PIK3CD: variants seen among roughly 807,000 people sequenced by gnomAD.
PIK3CD encodes phosphatidylinositol-4,5-bisphosphate 3-kinase catalytic subunit delta.
A neutral mutation model predicts 122.9 loss-of-function variants in PIK3CD; 20 were observed. The ratio of observed to expected loss-of-function variants is 0.16; its 90% confidence interval spans 0.11 to 0.24. The LOEUF is 0.24. Among genes scored for constraint, PIK3CD ranks in the 10% least tolerant of loss-of-function variants. The probability of loss-of-function intolerance (pLI) is 1.00; values close to 1 mark genes in which losing one functional copy is unlikely to be tolerated. For missense variants in PIK3CD, 787 were observed against 1,406.3 expected (o/e 0.56, Z 7.04); for synonymous variants, 596 against 593.4 (o/e 1.00, Z -0.06).
chr1:9,716,115 C>T (rs758269919), intron 5 of PIK3CD, 37 bp downstream of exon 5: 6 of 1,529,714 alleles, frequency 3.9e-6, no homozygotes, highest in South Asian at 1.1e-5. Flanking sequence ...CCAGGCTGCT[C>T]TGTCCATGGG....
In PIK3CD at chr1:9,710,632, CAGAG is replaced by C. The variant is rs34885574; in HGVS notation, c.141+56_141+59del. On this transcript the variant is annotated intron_variant, in intron 3 of 23. Coordinates refer to ENST00000377346, the MANE Select transcript of PIK3CD (RefSeq NM_005026.5). The surrounding 1 kb of genome is among the most constrained non-coding windows in gnomAD (Gnocchi z 4.7). ...CATCCGGTCCTCAGACCTTGGTGCT[CAGAG>C]AGAGAGAGAGAGAGAGAGACACAGA... 2.5e-3 allele frequency: 3,698 copies of C among 1,503,722 alleles called. No homozygotes were observed. Among genetic ancestry groups the C allele is most frequent in the Non-Finnish European group, 2.9e-3 (3,189 of 1,088,982 alleles). 93.1% of individuals were successfully genotyped at this position (1,503,722 alleles called of 1,614,324 possible). A position where few individuals can be genotyped will look rare whatever the true frequency, so the allele number is the denominator to read the frequency against.
At chr1:9,711,169 C>T (rs1647038865) in intron 3 of PIK3CD, among the ~76,000 whole-genome samples, 1 of 152,114 alleles carries the variant, frequency 6.6e-6, no homozygotes, top group Non-Finnish European at 1.5e-5. Context: ...TCTCAGGTGA[C>T]TACAACCTCT....
the PIK3CD span, among the ~76,000 whole-genome samples, chr1:9,643,440 G>GGGGAAGGAAGGAAGGGAGGGAGGGA: frequency 6.9e-5 from 9 of 129,820 alleles, no homozygotes; most frequent in East Asian, 2.1e-3. Flanking sequence ...GAGAGAGAGA[G>GGGGAAGGAAGGAAGGGAGGGAGGGA]GGGAAGGAAG....
At chr1:9,632,198 G>T in the PIK3CD span, among the ~76,000 whole-genome samples, 1 of 152,024 alleles carries the variant, frequency 6.6e-6, no homozygotes, top group East Asian at 1.9e-4. Flanking sequence ...TTTTAGTAGA[G>T]ATGGGGTTTC....
chr1:9,724,528 A>C lies in PIK3CD; in HGVS notation c.2864+107A>C. ...GATGGGGCTCAGGTCTCAACCCCAC[A>C]CCTGGCCCCTCACCCCAACTGTTGA... On this transcript the variant is annotated intron_variant, in intron 22 of 23. Transcript: ENST00000377346. This position sits in a 1 kb window ranked among gnomAD's most constrained non-coding sequence, Gnocchi z 7.3. The C allele has an allele frequency of 7.9e-7, 1 of 1,273,644 alleles. No homozygotes were observed. Among genetic ancestry groups the C allele is most frequent in the Non-Finnish European group, 1.1e-6 (1 of 887,064 alleles). 78.9% of individuals were successfully genotyped at this position (1,273,644 alleles called of 1,614,324 possible).
chr1:9,726,165 A>G (rs1486591104), intron 23 of PIK3CD, among the ~76,000 whole-genome samples: 2 of 152,078 alleles, frequency 1.3e-5, no homozygotes, highest in African/African-American at 4.8e-5. Flanking sequence ...GTAAGCCTAG[A>G]TCGCGCCACT....
At position 9,658,885 on chromosome 1, in the gene PIK3CD, A is replaced by G. The variant is rs181412775; in HGVS notation, c.-138+7083A>G. Among the ~76,000 whole-genome samples, 6 of 152,220 alleles carry G rather than the reference A, an allele frequency of 3.9e-5. No individual in the cohort carries two copies. The East Asian group carries it at 1.2e-3, about 29-fold the overall frequency. On this transcript the variant is annotated intron_variant, in intron 1 of 23. Transcript: ENST00000377346. ...CAGAACCTCAGAGTCCAGTTGTAAC[A>G]CTGAGACAGCAATACCTACCTGTTA...
chr1:9,670,675 C>G (rs976277830), intron 1 of PIK3CD, among the ~76,000 whole-genome samples: 1 of 151,970 alleles, frequency 6.6e-6, no homozygotes, highest in Non-Finnish European at 1.5e-5. Flanking sequence ...TTATGGGTAC[C>G]CAAAAAGTTG....
chr1:9,649,017 G>A (rs1406491204), upstream of PIK3CD, among the ~76,000 whole-genome samples: 1 of 152,082 alleles, frequency 6.6e-6, no homozygotes, highest in African/African-American at 2.4e-5. Context: ...CATGAGAGTC[G>A]CTTGAACCCG....
chr1:9,708,484 C>T (rs944903327), intron 2 of PIK3CD, among the ~76,000 whole-genome samples: 6 of 152,018 alleles, frequency 3.9e-5, no homozygotes, highest in African/African-American at 9.7e-5. Flanking sequence ...CCTGACCATG[C>T]GCAGATTTAA....
At chr1:9,725,361 C>T (rs1285056538) in intron 23 of PIK3CD, among the ~76,000 whole-genome samples, 2 of 151,756 alleles carry the variant, frequency 1.3e-5, no homozygotes, top group African/African-American at 4.8e-5. Context: ...CAACACCAGC[C>T]TGACCAACAT....
intron 1 of PIK3CD, among the ~76,000 whole-genome samples, chr1:9,673,797 A>ACT (rs1645414138): frequency 6.6e-6 from 1 of 152,122 alleles, no homozygotes; most frequent in Non-Finnish European, 1.5e-5. Flanking sequence ...TTATTGGGTG[A>ACT]CTTGTCTTTT....
In PIK3CD at chr1:9,702,026, ACT is replaced by A. The variant is rs374978550; in HGVS notation, c.-32-8395_-32-8394del. ...TTTTTTTTTTTTGAGATGGAGTCTC[ACT>A]CTGTTGCCCAGGCTGAAGTGCAGTG... On this transcript the variant is annotated intron_variant, in intron 2 of 23. Coordinates refer to ENST00000377346, the MANE Select transcript of PIK3CD (RefSeq NM_005026.5). Among the ~76,000 whole-genome samples the A allele has an allele frequency of 5.5e-4, 80 of 146,372 alleles. 2 individuals are homozygous for A. In the South Asian group the frequency reaches 0.013, roughly 23 times the overall value.
Position 9,710,645 on chromosome 1 carries a change from AG to A in PIK3CD, c.141+50del. The A allele has an allele frequency of 6.2e-7, 1 of 1,601,002 alleles. No individual in the cohort carries two copies. The highest frequency in any genetic ancestry group is 8.6e-7 in the Non-Finnish European group (1 of 1,168,868). The stretch of plus-strand genomic sequence containing the variant: ...GACCTTGGTGCTCAGAGAGAGAGAG[AG>A]AGAGAGAGACACAGATAGACAGACA... On this transcript the variant is annotated intron_variant, in intron 3 of 23. Transcript: ENST00000377346. This position sits in a 1 kb window ranked among gnomAD's most constrained non-coding sequence, Gnocchi z 4.7.
At chr1:9,649,644 A>C (rs1327400205), upstream of PIK3CD, among the ~76,000 whole-genome samples, 7 of 152,160 alleles carry the variant, frequency 4.6e-5, no homozygotes, top group African/African-American at 1.7e-4. Flanking sequence ...CAGATCCCTC[A>C]TCTGTCCAAG....
At position 9,660,218 on chromosome 1, in the gene PIK3CD, A is replaced by G. The variant is rs1644972480; in HGVS notation, c.-138+8416A>G. ...TGAGCCACCGCGCCTGGCCAGGACC[A>G]TGTTCTTTCGTTCCATTCACCCGAT... On this transcript the variant is annotated intron_variant, in intron 1 of 23. Coordinates refer to ENST00000377346, the MANE Select transcript of PIK3CD (RefSeq NM_005026.5). Among the ~76,000 whole-genome samples, 3 of 152,290 alleles carry G rather than the reference A, an allele frequency of 2.0e-5. No homozygotes were observed. The South Asian group carries it at 6.2e-4, about 32-fold the overall frequency.
Position 9,723,911 on chromosome 1 carries a change from T to A in PIK3CD, c.2595-58T>A, listed in dbSNP as rs574094006. 1 of 1,543,976 alleles carries A rather than the reference T, an allele frequency of 6.5e-7. No individual in the cohort carries two copies. The highest frequency in any genetic ancestry group is 8.9e-7 in the Non-Finnish European group (1 of 1,118,278). The stretch of plus-strand genomic sequence containing the variant: ...AGGGGAGAGGGAGTAATAACCCACC[T>A]CTTGATAGGCGGAGCTGCAAAATGG... On this transcript the variant is annotated intron_variant, in intron 20 of 23. Transcript: ENST00000377346. This position sits in a 1 kb window ranked among gnomAD's most constrained non-coding sequence, Gnocchi z 4.9.
chr1:9,720,230 C>T lies in PIK3CD; in HGVS notation c.1458C>T (p.Pro486=), dbSNP rs757377156. 6.8e-6 allele frequency: 11 copies of T among 1,606,272 alleles called. No homozygotes were observed. The highest frequency in any genetic ancestry group is 9.4e-6 in the Non-Finnish European group (11 of 1,175,028). Residue 486 remains proline, a synonymous_variant, in exon 11 of 24, where the codon CCC becomes CCT. Coordinates refer to ENST00000377346, the MANE Select transcript of PIK3CD (RefSeq NM_005026.5). This position sits in a 1 kb window ranked among gnomAD's most constrained non-coding sequence, Gnocchi z 9.0. Reference sequence around the variant, plus strand: ...TGGCCCCGCACCCCGTGTACTACCCCGCCCTGGAGAAGGTCAGTGGGGGCC... The same window carrying T: ...TGGCCCCGCACCCCGTGTACTACCCTGCCCTGGAGAAGGTCAGTGGGGGCC... ...PEVAPHPVYY[P]ALEKILELGR...
Position 9,704,424 on chromosome 1 carries a change from A to T in PIK3CD, c.-32-6000A>T, listed in dbSNP as rs1646754586. 6.6e-6 allele frequency among the ~76,000 whole-genome samples: 1 copy of T among 152,206 alleles called. No homozygotes were observed. The highest frequency in any genetic ancestry group is 6.5e-5 in the Admixed American group (1 of 15,280). On this transcript the variant is annotated intron_variant, in intron 2 of 23. Transcript: ENST00000377346. This position sits in a 1 kb window ranked among gnomAD's most constrained non-coding sequence, Gnocchi z 5.0. ...GGCCAAAGATACCCCTGACTTTCAA[A>T]GCCCATGGTCAAAGCCCATTTCATG...
Sources: gnomAD v4.1 joint callset for allele counts (sites outside exome capture counted in the v4.1 genomes callset) on GRCh38, gnomAD v4.1.1 for gene constraint, Gnocchi (gnomAD v3.1) non-coding constraint, MANE v1.5 for transcripts, NCBI Gene and HGNC (gene_info 2026-07-23, HGNC 2026-07-21) for gene names.